Variants in RPS6KA5 observed in about 807,000 individuals in gnomAD.
The protein encoded by RPS6KA5 is ribosomal protein S6 kinase A5.
Under a neutral mutation model 85.5 loss-of-function variants are expected in RPS6KA5, and 27 were observed. The observed-to-expected ratio is 0.32, with a 90% CI of 0.23 to 0.44. RPS6KA5 has a LOEUF of 0.44. Ranked by LOEUF, RPS6KA5 falls within the 20% of genes least tolerant of loss-of-function variation. The probability of loss-of-function intolerance (pLI) is 1.00; values close to 1 mark genes in which losing one functional copy is unlikely to be tolerated. For missense variants in RPS6KA5, 811 were observed against 980.9 expected (o/e 0.83, Z 2.31); for synonymous variants, 334 against 348.2 (o/e 0.96, Z 0.46).
chr14:90,903,282 G>C (rs535194823), intron 8 of RPS6KA5, among the ~76,000 whole-genome samples: 18 of 152,140 alleles, frequency 1.2e-4, no homozygotes, highest in African/African-American at 4.3e-4. Context: ...TCCTCAGAAA[G>C]GTGTTAAGCC....
At chr14:90,948,520 C>A (rs1223360011) in intron 3 of RPS6KA5, among the ~76,000 whole-genome samples, 1 of 152,054 alleles carries the variant, frequency 6.6e-6, no homozygotes, top group Non-Finnish European at 1.5e-5. Flanking sequence ...CACGGTGAAA[C>A]CCCATCTCTA....
intron 1 of RPS6KA5, among the ~76,000 whole-genome samples, chr14:91,018,434 C>T (rs2041597292): frequency 6.6e-6 from 1 of 152,164 alleles, no homozygotes; most frequent in South Asian, 2.1e-4. Context: ...ATATTTGAGT[C>T]AGTGGACTGA....
intron 5 of RPS6KA5, among the ~76,000 whole-genome samples, chr14:90,934,012 C>T (rs1205305179): frequency 1.3e-5 from 2 of 152,222 alleles, no homozygotes; most frequent in Non-Finnish European, 2.9e-5. Context: ...CACTTGATTT[C>T]AAAGTGTAGC....
At chr14:90,886,904 A>G (rs1173684542) in intron 14 of RPS6KA5, among the ~76,000 whole-genome samples, 1 of 152,200 alleles carries the variant, frequency 6.6e-6, no homozygotes, top group African/African-American at 2.4e-5. Flanking sequence ...TGGAGTATTT[A>G]TTTTATTCAA....
intron 1 of RPS6KA5, among the ~76,000 whole-genome samples, chr14:91,030,432 T>C (rs1044210055): frequency 6.6e-6 from 1 of 151,546 alleles, no homozygotes; most frequent in African/African-American, 2.4e-5. Flanking sequence ...ATGAACAAAC[T>C]TGGGTAAAAG....
intron 2 of RPS6KA5, among the ~76,000 whole-genome samples, chr14:90,982,753 C>T (rs998487340): frequency 6.6e-6 from 1 of 152,160 alleles, no homozygotes; most frequent in Non-Finnish European, 1.5e-5. Context: ...CCGGAGCGGG[C>T]GGATCACCTG....
intron 7 of RPS6KA5, among the ~76,000 whole-genome samples, chr14:90,919,538 C>T (rs2036289770): frequency 6.6e-6 from 1 of 152,074 alleles, no homozygotes; most frequent in African/African-American, 2.4e-5. Flanking sequence ...TAATGTTGGT[C>T]ACTATTCACT....
At chr14:90,974,755 C>A (rs2039486003) in intron 3 of RPS6KA5, among the ~76,000 whole-genome samples, 1 of 152,230 alleles carries the variant, frequency 6.6e-6, no homozygotes, top group Non-Finnish European at 1.5e-5. Context: ...CACAGCCCAG[C>A]CAACTCTCCA....
At chr14:90,895,680 G>A (rs1270135700) in intron 12 of RPS6KA5, among the ~76,000 whole-genome samples, 1 of 152,186 alleles carries the variant, frequency 6.6e-6, no homozygotes. Flanking sequence ...GAGCCCAGAA[G>A]CTCAAGACCA....
At position 90,862,111 on chromosome 14, in the gene RPS6KA5, G is replaced by A. The variant is rs571773862; in HGVS notation, c.*9963C>T. ...GTTTATCAAAAGAAGACACAATACA[G>A]GAACCAAGAGGATATAGGACAAAAA... On this transcript the variant is annotated 3_prime_UTR_variant, in exon 17 of 17. Transcript: ENST00000614987. 3 of 152,186 alleles carry A rather than the reference G, an allele frequency of 2.0e-5. No individual in the cohort carries two copies. The highest frequency in any genetic ancestry group is 2.0e-4 in the Admixed American group (3 of 15,294). The allele number at this position is 152,186 out of a possible 1,614,324, so 9.4% of individuals were successfully genotyped here.
chr14:91,018,432 G>A (rs2041597029), intron 1 of RPS6KA5, among the ~76,000 whole-genome samples: 1 of 152,198 alleles, frequency 6.6e-6, no homozygotes, highest in Non-Finnish European at 1.5e-5. Context: ...TGATATTTGA[G>A]TCAGTGGACT....
chr14:90,931,465 A>C (rs935316518), intron 5 of RPS6KA5, among the ~76,000 whole-genome samples: 1 of 152,200 alleles, frequency 6.6e-6, no homozygotes, highest in Non-Finnish European at 1.5e-5. Flanking sequence ...AGTATTATTA[A>C]AGCTGCTGAA....
At chr14:90,963,512 T>C (rs1003019331) in intron 3 of RPS6KA5, among the ~76,000 whole-genome samples, 1 of 152,220 alleles carries the variant, frequency 6.6e-6, no homozygotes, top group Non-Finnish European at 1.5e-5. Flanking sequence ...CATTCCTCTA[T>C]GTTAGTTGGC....
rs2032717335 is a variant in RPS6KA5 at position 90,864,510 on chromosome 14, A to G, written c.*7564T>C. The G allele has an allele frequency of 1.3e-5, 2 of 152,338 alleles. No individual in the cohort carries two copies. The highest frequency in any genetic ancestry group is 4.1e-4 in the South Asian group (2 of 4,826). The allele number at this position is 152,338 out of a possible 1,614,324, so 9.4% of individuals were successfully genotyped here. On this transcript the variant is annotated 3_prime_UTR_variant, in exon 17 of 17. Transcript: ENST00000614987. Reference sequence around the variant, plus strand: ...GTGAACATTTATTAAATACGACGCAAAAGTATTAGCAATTAAATAAAAGAC... The same window carrying G: ...GTGAACATTTATTAAATACGACGCAGAAGTATTAGCAATTAAATAAAAGAC...
intron 12 of RPS6KA5, among the ~76,000 whole-genome samples, chr14:90,896,273 A>G (rs1299817622): frequency 1.3e-5 from 2 of 152,240 alleles, no homozygotes; most frequent in Admixed American, 6.5e-5. Flanking sequence ...GTACGAACAG[A>G]TTTAGAGTTC....
chr14:90,985,733 C>T (rs1247125982), intron 2 of RPS6KA5, among the ~76,000 whole-genome samples: 1 of 152,180 alleles, frequency 6.6e-6, no homozygotes, highest in African/African-American at 2.4e-5. Context: ...TCTGAAAACA[C>T]CCACTGCACA....
chr14:90,976,343 T>G (rs2039569744), intron 3 of RPS6KA5, among the ~76,000 whole-genome samples: 1 of 152,090 alleles, frequency 6.6e-6, no homozygotes, highest in East Asian at 1.9e-4. Flanking sequence ...TTTATGAGTT[T>G]ATTGTCAAGG....
At chr14:90,958,531 T>C (rs550406161) in intron 3 of RPS6KA5, among the ~76,000 whole-genome samples, 119 of 152,308 alleles carry the variant, frequency 7.8e-4, no homozygotes, top group African/African-American at 2.6e-3. Context: ...TGTCAGAAAG[T>C]CCAAAAATCT....
At chr14:90,994,401 T>C (rs1016174966) in intron 2 of RPS6KA5, among the ~76,000 whole-genome samples, 2 of 152,082 alleles carry the variant, frequency 1.3e-5, no homozygotes, top group South Asian at 4.1e-4. Context: ...TTTTTTAGCA[T>C]GTATTATTCC....
Sources: allele counts gnomAD v4.1 joint callset (sites outside exome capture counted in the v4.1 genomes callset), GRCh38; gene constraint gnomAD v4.1.1; transcripts MANE v1.5; gene names NCBI Gene and HGNC (gene_info 2026-07-23, HGNC 2026-07-21).